RIMS2: variants seen among roughly 807,000 people sequenced by gnomAD.
RIMS2 encodes the protein regulating synaptic membrane exocytosis protein 2.
Under a neutral mutation model 174.4 loss-of-function variants are expected in RIMS2, and 59 were observed. The observed-to-expected ratio is 0.34, with a 90% CI of 0.27 to 0.42. The LOEUF (loss-of-function observed/expected upper bound fraction) is 0.42, where lower values mean the gene tolerates loss of function less well. Among genes scored for constraint, RIMS2 ranks in the 10% least tolerant of loss-of-function variants. The pLI is 1.00. For missense variants in RIMS2, 1,620 were observed against 1,666.3 expected (o/e 0.97, Z 0.48); for synonymous variants, 606 against 572.5 (o/e 1.06, Z -0.84).
At chr8:103,744,848 C>T (rs893254488) in intron 2 of RIMS2, among the ~76,000 whole-genome samples, 1 of 152,180 alleles carries the variant, frequency 6.6e-6, no homozygotes. Context: ...ATTGGCTTTC[C>T]TACCTTTCAT....
chr8:103,588,847 G>T (rs1471703409), intron 1 of RIMS2, among the ~76,000 whole-genome samples: 1 of 151,896 alleles, frequency 6.6e-6, no homozygotes, highest in Non-Finnish European at 1.5e-5. Context: ...ATATTGGTCT[G>T]GGCAAAAGTT....
intron 19 of RIMS2, among the ~76,000 whole-genome samples, chr8:104,217,703 A>G (rs1210507607): frequency 6.6e-6 from 1 of 152,206 alleles, no homozygotes; most frequent in East Asian, 1.9e-4. Flanking sequence ...GAAATCACAA[A>G]AGCTTAAAAT....
chr8:104,227,566 G>A (rs2099196145), intron 19 of RIMS2, among the ~76,000 whole-genome samples: 1 of 151,988 alleles, frequency 6.6e-6, no homozygotes, highest in African/African-American at 2.4e-5. Context: ...TAGATCCAAG[G>A]GCAAATGATT....
intron 19 of RIMS2, among the ~76,000 whole-genome samples, chr8:104,069,645 T>G (rs2097164328): frequency 6.6e-6 from 1 of 151,786 alleles, no homozygotes; most frequent in Admixed American, 6.6e-5. Context: ...ATTTTTGTAT[T>G]TTTAGGAGAG....
rs565563184 is a variant in RIMS2, at chr8:103,664,856, G to A, written c.177-32230G>A. On this transcript the variant is annotated intron_variant, in intron 1 of 23. Transcript: ENST00000504942. ...GTTTATTGTGGCACTATTCACAATA[G>A]CAAAGACTTGGAACCAACCCAAATG... 1.9e-4 allele frequency among the ~76,000 whole-genome samples: 29 copies of A among 152,322 alleles called. No homozygotes were observed. In the South Asian group the frequency reaches 3.3e-3, roughly 17 times the overall value.
In RIMS2 at chr8:104,076,301, C is replaced by T. The variant is rs186655494; in HGVS notation, c.3334+61686C>T. Among the ~76,000 whole-genome samples the T allele has an allele frequency of 4.2e-3, 606 of 145,550 alleles. 6 individuals carry two copies. The highest frequency in any genetic ancestry group is 0.014 in the African/African-American group (518 of 38,222). The stretch of plus-strand genomic sequence containing the variant: ...TTTTGAAATCATTTATGCCCATTTT[C>T]CCCCTTCTATAGTTTTTTTTTGAAT... On this transcript the variant is annotated intron_variant, in intron 19 of 23. Transcript: ENST00000504942.
intron 1 of RIMS2, among the ~76,000 whole-genome samples, chr8:103,579,860 A>G (rs1226880076): frequency 6.6e-6 from 1 of 152,198 alleles, no homozygotes; most frequent in East Asian, 1.9e-4. Flanking sequence ...TCATGGTGGG[A>G]TGGCAAAGGG....
chr8:104,041,294 C>T (rs1565988312), intron 19 of RIMS2, 32 bp from the exon 22 acceptor site: 2 of 678,206 alleles, frequency 2.9e-6, no homozygotes, highest in South Asian at 3.2e-5. Context: ...TCTCCTTTGT[C>T]TATGTCTGTC....
intron 3 of RIMS2, among the ~76,000 whole-genome samples, chr8:103,846,978 T>C (rs1443363508): frequency 1.3e-5 from 2 of 152,098 alleles, no homozygotes; most frequent in African/African-American, 2.4e-5. Flanking sequence ...AAACATATCC[T>C]CCCATACCCA....
chr8:103,560,870 C>A (rs1023979097), intron 1 of RIMS2, among the ~76,000 whole-genome samples: 1 of 152,112 alleles, frequency 6.6e-6, no homozygotes, highest in Admixed American at 6.6e-5. Flanking sequence ...AAGTAGGAAT[C>A]CTTAGCAACT....
intron 1 of RIMS2, among the ~76,000 whole-genome samples, chr8:103,502,570 TCTAA>T (rs566722997): frequency 1.8e-4 from 27 of 152,158 alleles, no homozygotes; most frequent in Non-Finnish European, 2.8e-4. Context: ...AGCAGTTTAC[TCTAA>T]CTAATAGAAG....
chr8:104,129,473 A>G (rs1267754790), intron 19 of RIMS2, among the ~76,000 whole-genome samples: 6 of 152,252 alleles, frequency 3.9e-5, no homozygotes, highest in African/African-American at 1.2e-4. Context: ...TGTTGAGAGT[A>G]TAATCTAAAC....
At chr8:103,960,989 T>G in intron 14 of RIMS2, 76 bp from the exon 17 acceptor site, 1 of 802,404 alleles carries the variant, frequency 1.2e-6, no homozygotes, top group Non-Finnish European at 2.2e-6. Context: ...TATTTTCGTT[T>G]GTTTTTCAGG....
rs367807747 is a variant in RIMS2 at position 103,668,625 on chromosome 8, C to T, written c.177-28461C>T. ...GTATTCTATTTGGATCATTTTATCTCCTCCATGGTGAGTCATGGAGTATAG... is the reference window on the plus strand; with the variant it reads ...GTATTCTATTTGGATCATTTTATCTTCTCCATGGTGAGTCATGGAGTATAG... On this transcript the variant is annotated intron_variant, in intron 1 of 23. Coordinates refer to ENST00000504942, the Ensembl canonical transcript of RIMS2. 8.6e-5 allele frequency among the ~76,000 whole-genome samples: 13 copies of T among 151,638 alleles called. No homozygotes were observed. In the East Asian group the frequency reaches 1.9e-3, roughly 23 times the overall value.
chr8:103,607,786 A>T (rs1444438106), intron 1 of RIMS2, among the ~76,000 whole-genome samples: 2 of 134,314 alleles, frequency 1.5e-5, no homozygotes, highest in African/African-American at 6.0e-5. Flanking sequence ...CTTCCAGTTG[A>T]TCGCATCGGC....
At chr8:103,790,657 C>T (rs1521064) in intron 3 of RIMS2, among the ~76,000 whole-genome samples, 9,998 of 151,814 alleles carry the variant, frequency 0.066, 380 homozygotes, top group Non-Finnish European at 0.079. Flanking sequence ...TTTGTATTTC[C>T]CTAATGACCA....
chr8:103,943,002 G>A lies in RIMS2; in HGVS notation c.2701+76G>A, dbSNP rs1330836774. On this transcript the variant is annotated intron_variant, in intron 14 of 23. Coordinates refer to ENST00000504942, the Ensembl canonical transcript of RIMS2. Reference sequence around the variant, plus strand: ...GAGTGATGTATGTGATAAAGAACTTGAAGATATCTTTGTGAATATTAATAG... The same window carrying A: ...GAGTGATGTATGTGATAAAGAACTTAAAGATATCTTTGTGAATATTAATAG... The A allele has an allele frequency of 7.5e-6, 8 of 1,073,278 alleles. No individual in the cohort carries two copies. In the East Asian group the frequency reaches 1.8e-4, roughly 24 times the overall value. The allele number at this position is 1,073,278 out of a possible 1,614,324, so 66.5% of individuals were successfully genotyped here. A position where few individuals can be genotyped will look rare whatever the true frequency, so the allele number is the denominator to read the frequency against.
intron 3 of RIMS2, among the ~76,000 whole-genome samples, chr8:103,846,430 G>A (rs2098968161): frequency 6.6e-6 from 1 of 152,116 alleles, no homozygotes; most frequent in Non-Finnish European, 1.5e-5. Flanking sequence ...GGGGCTGAAG[G>A]ACTCTGAATA....
rs143427334 is a variant in RIMS2 at position 103,930,741 on chromosome 8, G to T, written c.2245-522G>T. Among the ~76,000 whole-genome samples, 70 of 152,162 alleles carry T rather than the reference G, an allele frequency of 4.6e-4. 1 individual carries two copies. The Middle Eastern group carries it at 0.017, about 37-fold the overall frequency. On this transcript the variant is annotated intron_variant, in intron 11 of 23. Transcript: ENST00000504942. Reference sequence around the variant, plus strand: ...TTATCATTTTAAGTTCAAACTGAAGGAATCTATTGACTAAAGCTACTAGTA... The same window carrying T: ...TTATCATTTTAAGTTCAAACTGAAGTAATCTATTGACTAAAGCTACTAGTA...
Sources: allele counts gnomAD v4.1 joint callset (sites outside exome capture counted in the v4.1 genomes callset), GRCh38; gene constraint gnomAD v4.1.1; transcripts MANE v1.5; gene names NCBI Gene and HGNC (gene_info 2026-07-23, HGNC 2026-07-21).